TRPC5: variants seen among roughly 807,000 people sequenced by gnomAD.
TRPC5 encodes transient receptor potential cation channel subfamily C member 5.
Under a neutral mutation model 56.5 loss-of-function variants are expected in TRPC5, and 9 were observed. The observed-to-expected ratio is 0.16, with a 90% confidence interval of 0.10 to 0.28. The LOEUF (loss-of-function observed/expected upper bound fraction) is 0.28. Among genes scored for constraint, TRPC5 ranks in the 10% least tolerant of loss-of-function variants. TRPC5 has a pLI of 1.00. For missense variants in TRPC5, 469 were observed against 748.9 expected, an observed-to-expected ratio of 0.63 and a Z score of 4.36; for synonymous variants, 282 against 278.5, an observed-to-expected ratio of 1.01 and a Z score of -0.13.
intron 6 of TRPC5, among the ~76,000 whole-genome samples, chrX:111,846,121 T>C (rs1416661700): frequency 8.9e-6 from 1 of 112,123 alleles, no homozygotes; most frequent in Non-Finnish European, 1.9e-5. Flanking sequence ...CTGGCCTTTG[T>C]TATGGAGCAC....
chrX:111,977,099 C>G (rs1166359359), intron 1 of TRPC5, among the ~76,000 whole-genome samples: 1 of 110,788 alleles, frequency 9.0e-6, no homozygotes, highest in Non-Finnish European at 1.9e-5. Flanking sequence ...AATGCAATTC[C>G]TATCAAAATC....
At chrX:111,926,511 C>A (rs1237895507) in intron 2 of TRPC5, among the ~76,000 whole-genome samples, 2 of 112,087 alleles carry the variant, frequency 1.8e-5, no homozygotes, top group African/African-American at 6.5e-5. Flanking sequence ...TCCCTCATGG[C>A]AGAAAGTTCT....
intron 1 of TRPC5, among the ~76,000 whole-genome samples, chrX:112,061,359 T>C (rs928742626): frequency 6.3e-5 from 7 of 111,619 alleles, no homozygotes; most frequent in Admixed American, 4.8e-4. Context: ...GGTCCTTGGA[T>C]ATAAAAACAG....
At chrX:111,805,012 G>A (rs1921453057) in intron 7 of TRPC5, among the ~76,000 whole-genome samples, 1 of 111,804 alleles carries the variant, frequency 8.9e-6, no homozygotes, top group South Asian at 3.8e-4. Context: ...TTATTATTTT[G>A]AGATATGTTC....
intron 3 of TRPC5, among the ~76,000 whole-genome samples, chrX:111,905,399 A>G (rs1364592003): frequency 8.9e-6 from 1 of 111,974 alleles, no homozygotes; most frequent in Non-Finnish European, 1.9e-5. Flanking sequence ...ATCCCTAAAG[A>G]AAGAAAAAAT....
At chrX:112,035,542 T>G (rs1488967365) in intron 1 of TRPC5, among the ~76,000 whole-genome samples, 1 of 110,934 alleles carries the variant, frequency 9.0e-6, no homozygotes, top group Non-Finnish European at 1.9e-5. Flanking sequence ...GCAACAGAGA[T>G]GATTTCTAAC....
At chrX:112,044,456 A>G (rs1331972888) in intron 1 of TRPC5, among the ~76,000 whole-genome samples, 1 of 112,013 alleles carries the variant, frequency 8.9e-6, no homozygotes, top group Non-Finnish European at 1.9e-5. Context: ...TTCCTCACCT[A>G]TGAAATGGAA....
intron 7 of TRPC5, among the ~76,000 whole-genome samples, chrX:111,796,837 T>C (rs1292649153): frequency 2.7e-5 from 3 of 111,716 alleles, no homozygotes; most frequent in Non-Finnish European, 3.8e-5. Flanking sequence ...TAGAACTCTG[T>C]TGGAGGTTTT....
chrX:111,804,736 C>G (rs1460320617), intron 7 of TRPC5, among the ~76,000 whole-genome samples: 1 of 111,788 alleles, frequency 8.9e-6, no homozygotes, highest in Non-Finnish European at 1.9e-5. Context: ...TGCTTATCAG[C>G]TTAAGGAGAT....
intron 1 of TRPC5, among the ~76,000 whole-genome samples, chrX:111,986,680 G>A (rs1343218843): frequency 9.0e-6 from 1 of 111,236 alleles, no homozygotes; most frequent in Non-Finnish European, 1.9e-5. Flanking sequence ...TAATTTAGGA[G>A]CTCTATGTCC....
chrX:111,898,048 T>G (rs1925152830), intron 3 of TRPC5, among the ~76,000 whole-genome samples: 1 of 110,180 alleles, frequency 9.1e-6, no homozygotes, highest in Non-Finnish European at 1.9e-5. Flanking sequence ...CAATATTTGA[T>G]GTTGTCAGTC....
chrX:111,805,477 G>T (rs926614306), intron 7 of TRPC5, among the ~76,000 whole-genome samples: 1 of 111,085 alleles, frequency 9.0e-6, no homozygotes, highest in Non-Finnish European at 1.9e-5. Context: ...AATCCATCTG[G>T]ACCTTGACTT....
At chrX:111,939,047 G>A (rs147962824) in intron 2 of TRPC5, among the ~76,000 whole-genome samples, 388 of 111,726 alleles carry the variant, frequency 3.5e-3, no homozygotes, top group South Asian at 0.012. Context: ...TGTTGTATGC[G>A]GCTTTTATTG....
At chrX:112,029,384 C>T (rs113399888) in intron 1 of TRPC5, among the ~76,000 whole-genome samples, 13,530 of 111,263 alleles carry the variant, frequency 0.12, 957 homozygotes, top group African/African-American at 0.26. Flanking sequence ...TTTTCTTTGT[C>T]CATTCATCTG....
intron 2 of TRPC5, among the ~76,000 whole-genome samples, chrX:111,939,846 T>C (rs1418399042): frequency 8.9e-6 from 1 of 111,976 alleles, no homozygotes; most frequent in Non-Finnish European, 1.9e-5. Context: ...AACCAACTTT[T>C]CATTTCATTG....
In TRPC5 at chrX:112,082,528, C is replaced by G. The variant is rs1930998778; in HGVS notation, c.-671G>C. On this transcript the variant is annotated 5_prime_UTR_variant, in exon 1 of 11. Transcript: ENST00000262839. The stretch of plus-strand genomic sequence containing the variant: ...CTTTTCTACACTAGAGGTTTCTGTC[C>G]CCTTCTGCTGCCGTTTCTGGAATAT... 9.0e-6 allele frequency: 1 copy of G among 110,928 alleles called. No individual in the cohort carries two copies. Among genetic ancestry groups the G allele is most frequent in the Non-Finnish European group, 1.9e-5 (1 of 52,919 alleles). The allele number at this position is 110,928 out of a possible 1,213,427, so 9.1% of individuals were successfully genotyped here.
intron 1 of TRPC5, among the ~76,000 whole-genome samples, chrX:111,987,346 CTTT>C (rs891152358): frequency 2.7e-5 from 3 of 111,127 alleles, no homozygotes; most frequent in Admixed American, 9.6e-5. Context: ...TTTCTTTCTT[CTTT>C]ATTTTTTTTG....
intron 1 of TRPC5, among the ~76,000 whole-genome samples, chrX:112,043,917 T>C (rs2147728835): frequency 8.9e-6 from 1 of 111,748 alleles, no homozygotes; most frequent in Admixed American, 9.5e-5. Flanking sequence ...ATGAATATTC[T>C]AATTTTAGTC....
intron 7 of TRPC5, among the ~76,000 whole-genome samples, chrX:111,810,648 A>G (rs1921676001): frequency 8.9e-6 from 1 of 112,078 alleles, no homozygotes; most frequent in Non-Finnish European, 1.9e-5. Flanking sequence ...GAAACAAAAT[A>G]TAATTGATGC....
Sources: gnomAD v4.1 joint callset for allele counts (sites outside exome capture counted in the v4.1 genomes callset) on GRCh38, gnomAD v4.1.1 for gene constraint, MANE v1.5 for transcripts, NCBI Gene and HGNC (gene_info 2026-07-23, HGNC 2026-07-21) for gene names.